The following NRAP variants were observed in gnomAD, a reference collection of about 807,000 sequenced individuals.
NRAP encodes the protein nebulin related anchoring protein, also known as nebulin-related-anchoring protein.
In NRAP, 189 loss-of-function variants were observed where a neutral mutation model predicts 225.9. The ratio of observed to expected loss-of-function variants is 0.84; its 90% CI spans 0.74 to 0.94. NRAP has a LOEUF of 0.94. Ranked by LOEUF, NRAP falls within the 40% of genes least tolerant of loss-of-function variation. The probability of loss-of-function intolerance (pLI) is 0.00; values close to 1 mark genes in which losing one functional copy is unlikely to be tolerated. For missense variants in NRAP, 2,176 were observed against 2,168.7 expected (o/e 1.00, Z -0.07); for synonymous variants, 769 against 790.7 (o/e 0.97, Z 0.46).
intron 11 of NRAP, among the ~76,000 whole-genome samples, chr10:113,645,018 A>G (rs1849419287): frequency 6.6e-6 from 1 of 152,182 alleles, no homozygotes; most frequent in Admixed American, 6.5e-5. Flanking sequence ...CCTCACAATA[A>G]AAACGTCTTA....
At position 113,640,273 on chromosome 10, in the gene NRAP, A is replaced by C; in HGVS notation, c.1382T>G (p.Leu461Arg). 1.2e-6 allele frequency: 2 copies of C among 1,605,470 alleles called. No homozygotes were observed. Among genetic ancestry groups the C allele is most frequent in the South Asian group, 2.2e-5 (2 of 90,394 alleles). ...DIVDYNYPAT[L>R]TPSYQTAMKL... Reference sequence around the variant, plus strand: ...CATAGCTGTTTGATAGGAAGGCGTGAGAGTGGCTGGGTAGTTGTAGTCGAC... The same window carrying C: ...CATAGCTGTTTGATAGGAAGGCGTGCGAGTGGCTGGGTAGTTGTAGTCGAC... Residue 461 changes from leucine to arginine, a missense_variant, in exon 14 of 42, where the codon CTC becomes CGC. Leu to Arg is a moderately radical substitution (Grantham distance 102). Around this residue, in one of 3 missense-constraint regions of NRAP, gnomAD observed 1,708 missense variants for 1,695.5 expected, o/e 1.01. Transcript: ENST00000359988.
rs940017622 is a variant in NRAP, at chr10:113,650,133, G to C, written c.792C>G (p.Tyr264Ter). The change falls in exon 9 of 42, where the codon TAC becomes TAG. Residue 264 changes from tyrosine to a stop codon, truncating the protein, a stop_gained. Coordinates refer to ENST00000359988, the MANE Select transcript of NRAP (RefSeq NM_198060.4). LOFTEE classifies it high-confidence loss of function. Reference sequence around the variant, plus strand: ...TCATTTCTTTTTGATATTGTTGATGGTACCTCACCTGTTTTAAGGCAAAGG... The same window carrying C: ...TCATTTCTTTTTGATATTGTTGATGCTACCTCACCTGTTTTAAGGCAAAGG... ...RANELASDVR[Y>*]HQQYQKEMRG... 32 of 1,605,284 alleles carry C rather than the reference G, an allele frequency of 2.0e-5. No homozygotes were observed. The highest frequency in any genetic ancestry group is 2.7e-5 in the Non-Finnish European group (32 of 1,172,440).
At chr10:113,626,976 C>T (rs991740850) in intron 20 of NRAP, among the ~76,000 whole-genome samples, 2 of 152,166 alleles carry the variant, frequency 1.3e-5, no homozygotes, top group East Asian at 1.9e-4. Context: ...CCACTGAAAA[C>T]GGCGTGTGGA....
At position 113,620,709 on chromosome 10, in the gene NRAP, C is replaced by T; in HGVS notation, c.2770-1G>A. 6.3e-7 allele frequency: 1 copy of T among 1,592,116 alleles called. No homozygotes were observed. Among genetic ancestry groups the T allele is most frequent in the Non-Finnish European group, 8.6e-7 (1 of 1,164,016 alleles). ...ACTTCACATCTGCCCTGTATTGGTTCTGACAAAGGAGAAAGAAAAAAAAAA... is the reference window on the plus strand; with the variant it reads ...ACTTCACATCTGCCCTGTATTGGTTTTGACAAAGGAGAAAGAAAAAAAAAA... On this transcript the variant is annotated splice_acceptor_variant, in intron 24 of 41. Transcript: ENST00000359988. LOFTEE classifies it high-confidence loss of function.
At chr10:113,648,465 C>CTATATATATA (rs1326507151) in intron 9 of NRAP, among the ~76,000 whole-genome samples, 4 of 105,278 alleles carry the variant, frequency 3.8e-5, no homozygotes, top group South Asian at 2.9e-4. Context: ...CTCTCTCTCT[C>CTATATATATA]TCTATATATA....
chr10:113,631,810 T>A, intron 17 of NRAP, 47 bp downstream of exon 17: 1 of 1,213,476 alleles, frequency 8.2e-7, no homozygotes, highest in Non-Finnish European at 1.2e-6. Context: ...TGACATTTTA[T>A]TGGAACCATT....
At chr10:113,628,389 C>T (rs1045786901) in intron 20 of NRAP, among the ~76,000 whole-genome samples, 9 of 152,024 alleles carry the variant, frequency 5.9e-5, no homozygotes, top group African/African-American at 2.2e-4. Flanking sequence ...GGGGTTTCAC[C>T]GTGTTAGCCA....
intron 12 of NRAP, among the ~76,000 whole-genome samples, chr10:113,642,493 C>A (rs896344815): frequency 2.8e-4 from 42 of 152,072 alleles, no homozygotes; most frequent in Non-Finnish European, 1.8e-4. Context: ...TTTGCGAATG[C>A]CCCTCTAGTA....
At chr10:113,636,195 C>A (rs1345750920) in intron 14 of NRAP, among the ~76,000 whole-genome samples, 1 of 152,226 alleles carries the variant, frequency 6.6e-6, no homozygotes, top group African/African-American at 2.4e-5. Flanking sequence ...AACAACACCC[C>A]TTTTCTGTGT....
At chr10:113,602,617 A>G (rs1022897965) in intron 35 of NRAP, among the ~76,000 whole-genome samples, 2 of 152,240 alleles carry the variant, frequency 1.3e-5, no homozygotes, top group African/African-American at 4.8e-5. Flanking sequence ...TGATAATTAA[A>G]TTAACAAAAT....
intron 20 of NRAP, among the ~76,000 whole-genome samples, chr10:113,628,698 A>C (rs1264409576): frequency 3.3e-5 from 5 of 152,226 alleles, no homozygotes; most frequent in Non-Finnish European, 7.3e-5. Flanking sequence ...CTGCTACTTA[A>C]AGTAAATCAG....
intron 41 of NRAP, 53 bp from the exon 42 acceptor site, chr10:113,589,132 C>T (rs1192065145): frequency 2.0e-6 from 3 of 1,469,568 alleles, no homozygotes; most frequent in Non-Finnish European, 2.8e-6. Flanking sequence ...CACCCCCACT[C>T]CCGGCCCCGG....
At chr10:113,656,135 T>G (rs1188774547) in intron 4 of NRAP, among the ~76,000 whole-genome samples, 2 of 152,160 alleles carry the variant, frequency 1.3e-5, no homozygotes, top group Non-Finnish European at 2.9e-5. Flanking sequence ...TAAGAAATAT[T>G]TACAATCTAT....
rs1382371353 is a variant in NRAP, at chr10:113,606,432, GT to G, written c.3703-151del. 3 of 596,290 alleles carry G rather than the reference GT, an allele frequency of 5.0e-6. No individual in the cohort carries two copies. The East Asian group carries it at 8.4e-5, about 17-fold the overall frequency. 36.9% of individuals were successfully genotyped at this position (596,290 alleles called of 1,614,324 possible). ...ATACATCTCCAGTCTTGGGGAAGAT[GT>G]TTATTTCAATAAAGACAATCATTCA... On this transcript the variant is annotated intron_variant, in intron 32 of 41. Transcript: ENST00000359988.
rs878902056 is a variant in NRAP at position 113,622,038 on chromosome 10, G to T, written c.2600C>A (p.Thr867Asn). 1 of 1,614,206 alleles carries T rather than the reference G, an allele frequency of 6.2e-7. No individual in the cohort carries two copies. Among genetic ancestry groups the T allele is most frequent in the Non-Finnish European group, 8.5e-7 (1 of 1,180,032 alleles). ...CAGGGAGACGTGGCATTGGGATTTG[G>T]TGTCCTCGAATCCCTTCTTGTACTC... The part of the protein sequence containing the change: ...ELEYKKGFED[T>N]KSQCHVSLDM... Residue 867 changes from threonine to asparagine, a missense_variant, in exon 24 of 42, where the codon ACC (threonine) becomes AAC (asparagine). Transcript: ENST00000359988.
intron 29 of NRAP, 81 bp from the exon 30 acceptor site, chr10:113,612,512 C>A (rs1592761732): frequency 1.7e-6 from 2 of 1,172,588 alleles, no homozygotes; most frequent in Non-Finnish European, 2.5e-6. Flanking sequence ...AACTGCAATG[C>A]AGTTGTCTGG....
intron 10 of NRAP, among the ~76,000 whole-genome samples, chr10:113,646,514 C>G (rs879855482): frequency 1.3e-5 from 2 of 152,346 alleles, no homozygotes; most frequent in Admixed American, 1.3e-4. Context: ...ACCCTGCCTT[C>G]CAAGGACTGC....
intron 41 of NRAP, 61 bp from the exon 42 acceptor site, chr10:113,589,140 C>T (rs749032539): frequency 1.1e-5 from 16 of 1,409,484 alleles, no homozygotes; most frequent in Middle Eastern, 2.2e-4. Context: ...CTCCCGGCCC[C>T]GGTTCCCACA....
In NRAP at chr10:113,621,915, T is replaced by C. The variant is rs1383501301; in HGVS notation, c.2723A>G (p.Asp908Gly). Reference protein sequence around the residue: ...AEHHFTALPTDMKVEWAKKAY... With the variant: ...AEHHFTALPTGMKVEWAKKAY... ...CTTCTTGGCCCATTCCACCTTCATGTCTGTGGGCAAAGCCGTAAAGTGATG... is the reference window on the plus strand; with the variant it reads ...CTTCTTGGCCCATTCCACCTTCATGCCTGTGGGCAAAGCCGTAAAGTGATG... The change falls in exon 24 of 42, where the codon GAC (aspartate) becomes GGC (glycine). Residue 908 changes from aspartate (D) to glycine (G), a missense_variant. Physicochemically the swap from Asp to Gly is moderately conservative, Grantham distance 94. Around this residue, in one of 3 missense-constraint regions of NRAP, gnomAD observed 1,708 missense variants for 1,695.5 expected, o/e 1.01. Transcript: ENST00000359988. The C allele has an allele frequency of 6.2e-7, 1 of 1,613,826 alleles. No individual in the cohort carries two copies. The highest frequency in any genetic ancestry group is 1.3e-5 in the African/African-American group (1 of 74,926).
Sources: gnomAD v4.1 joint callset for allele counts (sites outside exome capture counted in the v4.1 genomes callset) on GRCh38, gnomAD v4.1.1 for gene constraint, gnomAD v4.1.1 regional missense constraint, MANE v1.5 for transcripts, NCBI Gene and HGNC (gene_info 2026-07-23, HGNC 2026-07-21) for gene names.